NLN: variants seen among roughly 807,000 people sequenced by gnomAD.
NLN encodes neurolysin, mitochondrial.
A neutral mutation model predicts 79.9 loss-of-function variants in NLN; 64 were observed. The observed-to-expected ratio is 0.80, with a 90% CI of 0.65 to 0.99. The LOEUF (loss-of-function observed/expected upper bound fraction) is 0.99, where lower values mean the gene tolerates loss of function less well. Ranked by LOEUF, NLN falls within the 50% of genes least tolerant of loss-of-function variation. The probability of loss-of-function intolerance (pLI) is 0.00; values close to 1 mark genes in which losing one functional copy is unlikely to be tolerated. For synonymous variants in NLN, 267 were observed against 296.6 expected, an observed-to-expected ratio of 0.90 and a Z score of 1.02; for missense variants, 835 against 858.7, an observed-to-expected ratio of 0.97 and a Z score of 0.34.
chr5:65,742,211 T>C (rs1164722111), intron 1 of NLN, among the ~76,000 whole-genome samples: 1 of 152,136 alleles, frequency 6.6e-6, no homozygotes, highest in Non-Finnish European at 1.5e-5. Flanking sequence ...AAGTTACCTT[T>C]TTTAAAAAAA....
intron 1 of NLN, among the ~76,000 whole-genome samples, chr5:65,755,247 T>A (rs1759194080): frequency 6.6e-6 from 1 of 152,218 alleles, no homozygotes; most frequent in African/African-American, 2.4e-5. Context: ...TTCTTACATA[T>A]TTTGTGGAAA....
intron 12 of NLN, chr5:65,819,041 G>A (rs934915260): frequency 6.6e-6 from 1 of 152,150 alleles, no homozygotes; most frequent in African/African-American, 2.4e-5. Context: ...TGAGCAAAAT[G>A]AGTGCCTAAG....
Position 65,827,687 on chromosome 5 carries a change from G to T in NLN, c.*4772G>T, listed in dbSNP as rs1685397007. 4 of 152,158 alleles carry T rather than the reference G, an allele frequency of 2.6e-5. No individual in the cohort carries two copies. Among genetic ancestry groups the T allele is most frequent in the Admixed American group, 2.6e-4 (4 of 15,276 alleles). The allele number at this position is 152,158 out of a possible 1,614,324, so 9.4% of individuals were successfully genotyped here. A position where few individuals can be genotyped will look rare whatever the true frequency, so the allele number is the denominator to read the frequency against. On this transcript the variant is annotated 3_prime_UTR_variant, in exon 13 of 13. Transcript: ENST00000380985. ...AGGTATCAAATGTACAGATAATAGGGCTGGAATTATTAAGTATGATGATGT... is the reference window on the plus strand; with the variant it reads ...AGGTATCAAATGTACAGATAATAGGTCTGGAATTATTAAGTATGATGATGT...
At chr5:65,726,036 C>T (rs780607400) in intron 1 of NLN, among the ~76,000 whole-genome samples, 3 of 150,886 alleles carry the variant, frequency 2.0e-5, no homozygotes, top group Non-Finnish European at 4.4e-5. Context: ...GGCGTGAACC[C>T]GGAAGGTGGA....
chr5:65,766,496 T>C (rs1053350322), intron 3 of NLN, among the ~76,000 whole-genome samples: 1 of 151,990 alleles, frequency 6.6e-6, no homozygotes, highest in Admixed American at 6.6e-5. Context: ...TCCCACCAGC[T>C]CCCTCCCTTG....
At chr5:65,737,545 A>C (rs555664527) in intron 1 of NLN, among the ~76,000 whole-genome samples, 1 of 152,184 alleles carries the variant, frequency 6.6e-6, no homozygotes, top group African/African-American at 2.4e-5. Context: ...AAATATATTC[A>C]TTGAATGGAT....
At chr5:65,745,203 A>G (rs982986895) in intron 1 of NLN, among the ~76,000 whole-genome samples, 4 of 152,174 alleles carry the variant, frequency 2.6e-5, no homozygotes, top group Admixed American at 1.3e-4. Flanking sequence ...CCCTGCAGCA[A>G]TCTCTCAGGG....
At chr5:65,802,734 C>T (rs1429681888) in intron 9 of NLN, among the ~76,000 whole-genome samples, 1 of 152,172 alleles carries the variant, frequency 6.6e-6, no homozygotes, top group Non-Finnish European at 1.5e-5. Context: ...ATGGGTAGCT[C>T]CTCTCCACAA....
intron 3 of NLN, among the ~76,000 whole-genome samples, chr5:65,763,964 A>T (rs181896306): frequency 6.6e-5 from 10 of 152,274 alleles, no homozygotes; most frequent in African/African-American, 2.4e-4. Flanking sequence ...TTCATGGTGA[A>T]AGTAAGTTAT....
In NLN at chr5:65,824,593, ACAGTAACTTTAC is replaced by A. The variant is rs930251763; in HGVS notation, c.*1681_*1692del. 5.3e-5 allele frequency: 8 copies of A among 152,364 alleles called. No homozygotes were observed. The East Asian group carries it at 1.5e-3, about 29-fold the overall frequency. 9.4% of individuals were successfully genotyped at this position (152,364 alleles called of 1,614,324 possible). ...CAGCTTTTTCCAGTGTGTCTCCTTAACAGTAACTTTACCACTTGAAATCTTATTTCATAGAAA... is the reference window on the plus strand; with the variant it reads ...CAGCTTTTTCCAGTGTGTCTCCTTAACACTTGAAATCTTATTTCATAGAAA... On this transcript the variant is annotated 3_prime_UTR_variant, in exon 13 of 13. Coordinates refer to ENST00000380985, the MANE Select transcript of NLN (RefSeq NM_020726.5).
chr5:65,811,315 G>A (rs971615423), intron 11 of NLN, among the ~76,000 whole-genome samples: 12 of 151,902 alleles, frequency 7.9e-5, no homozygotes, highest in South Asian at 2.1e-4. Flanking sequence ...CCTTTGTGTC[G>A]CAATTACATT....
chr5:65,792,044 AT>A (rs1339351202), intron 8 of NLN, among the ~76,000 whole-genome samples: 1 of 152,210 alleles, frequency 6.6e-6, no homozygotes, highest in Non-Finnish European at 1.5e-5. Context: ...TCAGTTTTTT[AT>A]TCCGATTTTA....
chr5:65,765,475 G>A (rs1048644563), intron 3 of NLN, among the ~76,000 whole-genome samples: 1 of 152,134 alleles, frequency 6.6e-6, no homozygotes, highest in Non-Finnish European at 1.5e-5. Context: ...TCTAGACTGT[G>A]CCATTGGGCT....
At chr5:65,753,662 A>C (rs1220327173) in intron 1 of NLN, among the ~76,000 whole-genome samples, 1 of 152,044 alleles carries the variant, frequency 6.6e-6, no homozygotes, top group African/African-American at 2.4e-5. Context: ...AAAAAAAAAA[A>C]AAACCTGAAT....
intron 8 of NLN, among the ~76,000 whole-genome samples, chr5:65,789,756 T>C (rs546473504): frequency 5.3e-4 from 80 of 152,288 alleles, no homozygotes; most frequent in African/African-American, 1.9e-3. Context: ...TCAAAAAACA[T>C]AAATAAATAA....
At position 65,826,871 on chromosome 5, in the gene NLN, A is replaced by G. The variant is rs1561219437; in HGVS notation, c.*3956A>G. On this transcript the variant is annotated 3_prime_UTR_variant, in exon 13 of 13. Coordinates refer to ENST00000380985, the MANE Select transcript of NLN (RefSeq NM_020726.5). The stretch of plus-strand genomic sequence containing the variant: ...CCATGAGCCATAATCACGCCACTGC[A>G]CTCCAGCCTGGGTGACAGAGACCCT... The G allele has an allele frequency of 1.3e-5, 2 of 151,972 alleles. No individual in the cohort carries two copies. Among genetic ancestry groups the G allele is most frequent in the Non-Finnish European group, 2.9e-5 (2 of 68,008 alleles). The allele number at this position is 151,972 out of a possible 1,614,324, so 9.4% of individuals were successfully genotyped here. A position where few individuals can be genotyped will look rare whatever the true frequency, so the allele number is the denominator to read the frequency against.
intron 1 of NLN, among the ~76,000 whole-genome samples, chr5:65,743,956 T>A (rs1313789783): frequency 6.6e-6 from 1 of 152,232 alleles, no homozygotes; most frequent in Non-Finnish European, 1.5e-5. Flanking sequence ...TACATCCTCA[T>A]TGAAGTCTTT....
intron 7 of NLN, among the ~76,000 whole-genome samples, chr5:65,787,744 T>A (rs142752998): frequency 6.6e-6 from 1 of 152,236 alleles, no homozygotes; most frequent in African/African-American, 2.4e-5. Context: ...ACTGTCTTCA[T>A]TGAAGAATAA....
Position 65,753,183 on chromosome 5 carries a change from G to A in NLN, c.42-5384G>A, listed in dbSNP as rs577409920. On this transcript the variant is annotated intron_variant, in intron 1 of 12. Transcript: ENST00000380985. The stretch of plus-strand genomic sequence containing the variant: ...CAATGTATACATGTATTGAAACATC[G>A]CACTGTATCCTATAAAGATGTGCAA... Among the ~76,000 whole-genome samples, 6 of 152,032 alleles carry A rather than the reference G, an allele frequency of 3.9e-5. 1 individual carries two copies. Among genetic ancestry groups the A allele is most frequent in the Admixed American group, 2.0e-4 (3 of 15,258 alleles).
Sources: allele counts gnomAD v4.1 joint callset (sites outside exome capture counted in the v4.1 genomes callset), GRCh38; gene constraint gnomAD v4.1.1; transcripts MANE v1.5; gene names NCBI Gene and HGNC (gene_info 2026-07-23, HGNC 2026-07-21).